Variants in NLGN4X observed in about 807,000 individuals in gnomAD.
NLGN4X encodes neuroligin-4, X-linked.
NLGN4X carries 3 observed loss-of-function variants against 40.3 expected under a neutral mutation model. The observed-to-expected ratio is 0.07, with a 90% CI of 0.03 to 0.19. The LOEUF is 0.19. Among genes scored for constraint, NLGN4X ranks in the 10% least tolerant of loss-of-function variants. The pLI, the probability that NLGN4X is intolerant of heterozygous loss-of-function variation, is 1.00. For missense variants in NLGN4X, 382 were observed against 708.3 expected, an observed-to-expected ratio of 0.54 and a Z score of 5.23; for synonymous variants, 270 against 306.8, an observed-to-expected ratio of 0.88 and a Z score of 1.25.
At chrX:6,045,161 T>A (rs1011448269) in intron 2 of NLGN4X, among the ~76,000 whole-genome samples, 3 of 112,419 alleles carry the variant, frequency 2.7e-5, no homozygotes, top group African/African-American at 9.7e-5. Flanking sequence ...GGAGATACTA[T>A]GTGAACACTG....
At chrX:6,156,937 C>CA (rs1003868511) in intron 1 of NLGN4X, among the ~76,000 whole-genome samples, 3 of 109,829 alleles carry the variant, frequency 2.7e-5, no homozygotes, top group South Asian at 3.9e-4. Context: ...GGTATACACA[C>CA]AAAAAAAATT....
In NLGN4X at chrX:6,153,643, T is replaced by C. The variant is rs1417081742; in HGVS notation, c.-305-1872A>G. Among the ~76,000 whole-genome samples, 29 of 112,300 alleles carry C rather than the reference T, an allele frequency of 2.6e-4. No individual in the cohort carries two copies. The Admixed American group carries it at 2.7e-3, about 11-fold the overall frequency. On this transcript the variant is annotated intron_variant, in intron 1 of 5. Transcript: ENST00000381095. ...TATGTATCCTCAAGGTATTGCACATTCCCTGAAACACAGAGCTCAATAAAT... is the reference window on the plus strand; with the variant it reads ...TATGTATCCTCAAGGTATTGCACATCCCCTGAAACACAGAGCTCAATAAAT...
chrX:6,220,224 C>T (rs1925531688), intron 1 of NLGN4X, among the ~76,000 whole-genome samples: 1 of 111,040 alleles, frequency 9.0e-6, no homozygotes, highest in Non-Finnish European at 1.9e-5. Flanking sequence ...TATTTTTCAA[C>T]AATTTAAAGT....
intron 3 of NLGN4X, among the ~76,000 whole-genome samples, chrX:5,909,445 A>C (rs2146762376): frequency 9.0e-6 from 1 of 111,582 alleles, no homozygotes; most frequent in South Asian, 3.8e-4. Flanking sequence ...TGATGTTATG[A>C]TACCATGGCA....
Position 5,892,552 on chromosome X carries a change from C to T in NLGN4X, c.*265G>A, listed in dbSNP as rs760741673. 1 of 372,748 alleles carries T rather than the reference C, an allele frequency of 2.7e-6. No individual in the cohort carries two copies. The highest frequency in any genetic ancestry group is 4.4e-5 in the Admixed American group (1 of 22,802). 30.7% of individuals were successfully genotyped at this position (372,748 alleles called of 1,213,427 possible). ...AAACATCGATTGGAGTGGTAGAGAT[C>T]TTAAAGCAGTTATTTTAACAGAAAT... On this transcript the variant is annotated 3_prime_UTR_variant, in exon 6 of 6. Transcript: ENST00000381095.
chrX:6,129,373 A>T (rs2039630522), intron 2 of NLGN4X, among the ~76,000 whole-genome samples: 2 of 111,590 alleles, frequency 1.8e-5, no homozygotes, highest in African/African-American at 6.5e-5. Context: ...AGAAAAGGGG[A>T]AATCAGTGTG....
intron 3 of NLGN4X, among the ~76,000 whole-genome samples, chrX:5,909,952 C>T (rs747171003): frequency 3.6e-5 from 4 of 111,661 alleles, no homozygotes; most frequent in Non-Finnish European, 7.5e-5. Flanking sequence ...ATATCAGGAA[C>T]TGGCCTTCCT....
chrX:6,069,213 C>T (rs773466029), intron 2 of NLGN4X, among the ~76,000 whole-genome samples: 1 of 108,218 alleles, frequency 9.2e-6, no homozygotes, highest in Non-Finnish European at 1.9e-5. Context: ...GCTTGAACCT[C>T]GGGGGTGGAG....
At chrX:6,043,326 AAT>A (rs2037228842) in intron 2 of NLGN4X, among the ~76,000 whole-genome samples, 1 of 110,818 alleles carries the variant, frequency 9.0e-6, no homozygotes, top group Non-Finnish European at 1.9e-5. Flanking sequence ...AACAAAACAA[AAT>A]ATGTGTGTAT....
chrX:6,158,867 G>C (rs765092481), intron 1 of NLGN4X, among the ~76,000 whole-genome samples: 2 of 112,102 alleles, frequency 1.8e-5, no homozygotes, highest in Non-Finnish European at 1.9e-5. Context: ...TCATCATTCA[G>C]CTCCCACTTA....
At chrX:6,200,874 A>C (rs1198709745) in intron 1 of NLGN4X, among the ~76,000 whole-genome samples, 1 of 108,140 alleles carries the variant, frequency 9.2e-6, no homozygotes, top group African/African-American at 3.4e-5. Context: ...TATTATTATT[A>C]TTCTTTGTAC....
intron 3 of NLGN4X, among the ~76,000 whole-genome samples, chrX:5,996,858 A>C (rs1402421229): frequency 9.0e-6 from 1 of 110,795 alleles, no homozygotes; most frequent in East Asian, 2.8e-4. Flanking sequence ...CGGCCTCCCA[A>C]AGTGCTGGGA....
At position 6,215,779 on chromosome X, in the gene NLGN4X, T is replaced by A. The variant is rs190620123; in HGVS notation, c.-306+12762A>T. 3.6e-5 allele frequency among the ~76,000 whole-genome samples: 4 copies of A among 111,464 alleles called. No homozygotes were observed. The East Asian group carries it at 1.1e-3, about 31-fold the overall frequency. Reference sequence around the variant, plus strand: ...TTTACCTTTCCAAATTGGAAGTGGATAACAAGGTAACAATAGCACTGTCCC... The same window carrying A: ...TTTACCTTTCCAAATTGGAAGTGGAAAACAAGGTAACAATAGCACTGTCCC... On this transcript the variant is annotated intron_variant, in intron 1 of 5. Transcript: ENST00000381095.
At chrX:6,192,230 C>T (rs929107946) in intron 1 of NLGN4X, among the ~76,000 whole-genome samples, 2 of 111,126 alleles carry the variant, frequency 1.8e-5, no homozygotes, top group African/African-American at 6.6e-5. Context: ...TGAGCTCAAG[C>T]GATCCTCCCA....
At chrX:6,052,024 G>A (rs893164714) in intron 2 of NLGN4X, among the ~76,000 whole-genome samples, 1 of 110,828 alleles carries the variant, frequency 9.0e-6, no homozygotes, top group African/African-American at 3.3e-5. Flanking sequence ...TCCCTGAGAT[G>A]GCTTCATGGC....
intron 3 of NLGN4X, among the ~76,000 whole-genome samples, chrX:6,021,007 TCTCTCTC>T (rs2036519256): frequency 1.9e-4 from 2 of 10,506 alleles, no homozygotes; most frequent in African/African-American, 7.4e-4. Context: ...TTCTTTTCTC[TCTCTCTC>T]TCTCTCTCTC....
chrX:6,110,266 C>T (rs1432914879), intron 2 of NLGN4X, among the ~76,000 whole-genome samples: 1 of 111,667 alleles, frequency 9.0e-6, no homozygotes, highest in East Asian at 2.8e-4. Context: ...GCTGTCTAGA[C>T]GCTCAGAGTC....
chrX:6,186,192 A>T (rs754147405), intron 1 of NLGN4X, among the ~76,000 whole-genome samples: 1 of 112,744 alleles, frequency 8.9e-6, no homozygotes, highest in South Asian at 3.6e-4. Flanking sequence ...GGATCACATG[A>T]TAAATATTTT....
At chrX:6,222,522 T>C (rs1925803946) in intron 1 of NLGN4X, among the ~76,000 whole-genome samples, 1 of 112,599 alleles carries the variant, frequency 8.9e-6, no homozygotes, top group Admixed American at 9.4e-5. Flanking sequence ...CCTAGATCGT[T>C]TCATTAGCAC....
Sources: gnomAD v4.1 joint callset for allele counts (sites outside exome capture counted in the v4.1 genomes callset) on GRCh38, gnomAD v4.1.1 for gene constraint, MANE v1.5 for transcripts, NCBI Gene and HGNC (gene_info 2026-07-23, HGNC 2026-07-21) for gene names.